Variants in MAPK8 observed in about 807,000 individuals in gnomAD.
The protein encoded by MAPK8 is JUN N-terminal kinase.
In MAPK8, 13 loss-of-function variants were observed where a neutral mutation model predicts 52.9. The ratio of observed to expected loss-of-function variants is 0.25; its 90% CI spans 0.16 to 0.39. The LOEUF is 0.39. Among genes scored for constraint, MAPK8 ranks in the 10% least tolerant of loss-of-function variants. The pLI, the probability that MAPK8 is intolerant of heterozygous loss-of-function variation, is 1.00. For missense variants in MAPK8, 300 were observed against 519.2 expected (o/e 0.58, Z 4.10); for synonymous variants, 191 against 169.8 (o/e 1.12, Z -0.97).
At chr10:48,396,326 CAAAG>C (rs1482076915) in intron 1 of MAPK8, among the ~76,000 whole-genome samples, 2 of 151,958 alleles carry the variant, frequency 1.3e-5, no homozygotes, top group African/African-American at 4.8e-5. Context: ...ATATAGATGA[CAAAG>C]AAGCACATGA....
intron 1 of MAPK8, among the ~76,000 whole-genome samples, chr10:48,334,643 A>G (rs974110296): frequency 1.3e-5 from 2 of 152,054 alleles, no homozygotes; most frequent in Non-Finnish European, 2.9e-5. Flanking sequence ...GGCCACCTAA[A>G]TCGGGTGAGA....
chr10:48,369,364 T>C (rs761011660), intron 1 of MAPK8, among the ~76,000 whole-genome samples: 43 of 152,168 alleles, frequency 2.8e-4, no homozygotes, highest in Non-Finnish European at 5.7e-4. Flanking sequence ...GTTTCTGGCT[T>C]GAATACCTGA....
intron 1 of MAPK8, among the ~76,000 whole-genome samples, chr10:48,382,908 A>T (rs4838406): frequency 1.4e-5 from 2 of 139,236 alleles, no homozygotes; most frequent in African/African-American, 5.3e-5. Context: ...AGCTATGTGT[A>T]TATATATATA....
chr10:48,360,269 A>G (rs781384236), intron 1 of MAPK8, among the ~76,000 whole-genome samples: 2 of 152,230 alleles, frequency 1.3e-5, no homozygotes, highest in Non-Finnish European at 2.9e-5. Flanking sequence ...AAAGATGCCC[A>G]GTCTCCTTAG....
At chr10:48,342,555 G>A (rs1281403579) in intron 1 of MAPK8, among the ~76,000 whole-genome samples, 3 of 152,176 alleles carry the variant, frequency 2.0e-5, no homozygotes, top group Non-Finnish European at 2.9e-5. Flanking sequence ...GATAGAATAT[G>A]GCAAACCTAT....
intron 1 of MAPK8, among the ~76,000 whole-genome samples, chr10:48,393,713 T>C (rs1041463486): frequency 1.3e-5 from 2 of 152,090 alleles, no homozygotes; most frequent in Non-Finnish European, 2.9e-5. Flanking sequence ...CTTGCAATGA[T>C]GCTTAAATGC....
At chr10:48,328,280 T>C (rs898990921) in intron 1 of MAPK8, among the ~76,000 whole-genome samples, 3 of 152,042 alleles carry the variant, frequency 2.0e-5, no homozygotes, top group African/African-American at 7.2e-5. Flanking sequence ...ACAGTTTTAT[T>C]TATATTTTCA....
chr10:48,428,909 A>G (rs554168706), intron 10 of MAPK8, among the ~76,000 whole-genome samples: 2 of 148,362 alleles, frequency 1.3e-5, no homozygotes, highest in South Asian at 4.3e-4. Flanking sequence ...CAGCATCAAA[A>G]CTCCTGAGCT....
intron 1 of MAPK8, among the ~76,000 whole-genome samples, chr10:48,376,884 T>G (rs1296970168): frequency 2.0e-5 from 3 of 152,176 alleles, no homozygotes; most frequent in African/African-American, 7.2e-5. Context: ...CCCAAAGGAT[T>G]ATAAATCATT....
At chr10:48,423,905 T>C (rs1030217790) in intron 6 of MAPK8, among the ~76,000 whole-genome samples, 183 bp from the exon 7 acceptor site, 6 of 152,226 alleles carry the variant, frequency 3.9e-5, no homozygotes, top group African/African-American at 1.2e-4. Context: ...TTACATTTTC[T>C]TTTGTGAACC....
chr10:48,420,022 G>A (rs2043267025), intron 5 of MAPK8, 133 bp from the exon 6 acceptor site: 2 of 620,698 alleles, frequency 3.2e-6, no homozygotes, highest in African/African-American at 1.8e-5. Flanking sequence ...CGATGAATCA[G>A]TGCAGTAATA....
At chr10:48,372,960 A>G (rs1275558190) in intron 1 of MAPK8, among the ~76,000 whole-genome samples, 1 of 152,164 alleles carries the variant, frequency 6.6e-6, no homozygotes, top group Non-Finnish European at 1.5e-5. Context: ...GAAATGAAGG[A>G]AAAAATCTTA....
intron 1 of MAPK8, among the ~76,000 whole-genome samples, chr10:48,352,725 T>A (rs1380721250): frequency 6.6e-6 from 1 of 152,116 alleles, no homozygotes; most frequent in African/African-American, 2.4e-5. Flanking sequence ...ATGCACACAC[T>A]CACAACTCTT....
chr10:48,404,004 C>CG (rs2042314417), intron 2 of MAPK8, among the ~76,000 whole-genome samples: 1 of 150,786 alleles, frequency 6.6e-6, no homozygotes, highest in Non-Finnish European at 1.5e-5. Context: ...GGGATGGTCT[C>CG]GATCTCCTGA....
At chr10:48,330,603 A>C (rs530915381) in intron 1 of MAPK8, among the ~76,000 whole-genome samples, 1 of 152,328 alleles carries the variant, frequency 6.6e-6, no homozygotes, top group South Asian at 2.1e-4. Context: ...AGCGGAAGTG[A>C]GACTTTCAAT....
chr10:48,333,185 G>C (rs1844319096), intron 1 of MAPK8, among the ~76,000 whole-genome samples: 1 of 152,184 alleles, frequency 6.6e-6, no homozygotes, highest in Admixed American at 6.5e-5. Flanking sequence ...CTAGAAAACT[G>C]TCTGGATTCA....
chr10:48,420,329 A>G lies in MAPK8; in HGVS notation c.616+9A>G, dbSNP rs759505412. 8 of 1,563,100 alleles carry G rather than the reference A, an allele frequency of 5.1e-6. No homozygotes were observed. In the African/African-American group the frequency reaches 9.6e-5, roughly 19 times the overall value. On this transcript the variant is annotated intron_variant, in intron 6 of 11. Coordinates refer to ENST00000374189, the MANE Select transcript of MAPK8 (RefSeq NM_001323329.2). ...GGGCTACAAGGAAAACGGTCAGCAC[A>G]CACATTTATTTGAAATATTTTTCTG...
intron 8 of MAPK8, 94 bp from the exon 9 acceptor site, chr10:48,426,286 C>T (rs1662551705): frequency 9.0e-7 from 1 of 1,106,810 alleles, no homozygotes; most frequent in Non-Finnish European, 1.3e-6. Context: ...ATTTTTAAAA[C>T]ATATGCTTTT....
intron 1 of MAPK8, among the ~76,000 whole-genome samples, chr10:48,381,229 C>CT (rs2040983054): frequency 6.6e-6 from 1 of 152,242 alleles, no homozygotes; most frequent in Non-Finnish European, 1.5e-5. Context: ...TTTCATGAAT[C>CT]TTTTATAAAC....
Sources: gnomAD v4.1 joint callset for allele counts (sites outside exome capture counted in the v4.1 genomes callset) on GRCh38, gnomAD v4.1.1 for gene constraint, MANE v1.5 for transcripts, NCBI Gene and HGNC (gene_info 2026-07-23, HGNC 2026-07-21) for gene names.